The following WWC2 variants were observed in gnomAD, a reference collection of about 807,000 sequenced individuals.
The protein encoded by WWC2 is protein WWC2.
Under a neutral mutation model 138.5 loss-of-function variants are expected in WWC2, and 101 were observed. That is an observed-to-expected ratio of 0.73 (90% CI 0.62 to 0.86). The LOEUF is 0.86. Ranked by LOEUF, WWC2 falls within the 40% of genes least tolerant of loss-of-function variation. The pLI, the probability that WWC2 is intolerant of heterozygous loss-of-function variation, is 0.00. For synonymous variants in WWC2, 558 were observed against 538.4 expected (o/e 1.04, Z -0.50); for missense variants, 1,420 against 1,419.4 (o/e 1.00, Z -0.01).
chr4:183,304,682 A>G (rs1738966759), intron 21 of WWC2, among the ~76,000 whole-genome samples: 1 of 152,142 alleles, frequency 6.6e-6, no homozygotes, highest in South Asian at 2.1e-4. Flanking sequence ...AGGGGGAAAG[A>G]CTGAGAAGCA....
rs1355882651 is a variant in WWC2, at chr4:183,261,405, T to C, written c.1782T>C (p.Phe594=). The C allele has an allele frequency of 6.2e-7, 1 of 1,613,132 alleles. No homozygotes were observed. Among genetic ancestry groups the C allele is most frequent in the Admixed American group, 1.7e-5 (1 of 59,916 alleles). ...DFEDCELSSH[F]ADISLIENQI... Reference sequence around the variant, plus strand: ...AAGACTGTGAGTTGAGTAGCCATTTTGCAGATATCAGCCTCATCGAAAATC... The same window carrying C: ...AAGACTGTGAGTTGAGTAGCCATTTCGCAGATATCAGCCTCATCGAAAATC... The change falls in exon 11 of 23, where the codon TTT becomes TTC. Residue 594 remains phenylalanine, a synonymous_variant. Coordinates refer to ENST00000403733, the MANE Select transcript of WWC2 (RefSeq NM_024949.6).
rs375588417 is a variant in WWC2, at chr4:183,214,824, C to T, written c.522+5799C>T. Among the ~76,000 whole-genome samples the T allele has an allele frequency of 1.5e-3, 223 of 152,002 alleles. 1 individual carries two copies. The highest frequency in any genetic ancestry group is 4.9e-3 in the African/African-American group (204 of 41,498). On this transcript the variant is annotated intron_variant, in intron 4 of 22. Transcript: ENST00000403733. ...TATGCCTTTGGAGAATGTAAATTGC[C>T]GCAAATATTCTCTCTTGACTAGACA...
In WWC2 at chr4:183,188,747, C is replaced by T. The variant is rs181169343; in HGVS notation, c.132-4852C>T. On this transcript the variant is annotated intron_variant, in intron 1 of 22. Transcript: ENST00000403733. ...GCAACCTCCACCTCCCGGGTTCAAG[C>T]GATTCTCCTGCCTAAGCCTCCTGAG... 3.4e-3 allele frequency among the ~76,000 whole-genome samples: 511 copies of T among 150,998 alleles called. 2 individuals carry two copies. The highest frequency in any genetic ancestry group is 0.012 in the African/African-American group (483 of 41,118).
At chr4:183,192,453 C>T (rs537158540) in intron 1 of WWC2, among the ~76,000 whole-genome samples, 3 of 152,146 alleles carry the variant, frequency 2.0e-5, no homozygotes, top group Non-Finnish European at 4.4e-5. Flanking sequence ...GGAGAGATTT[C>T]GTGCTATAGG....
chr4:183,180,447 A>G (rs921648914), intron 1 of WWC2, among the ~76,000 whole-genome samples: 2 of 151,428 alleles, frequency 1.3e-5, no homozygotes, highest in Non-Finnish European at 2.9e-5. Context: ...CATGCCAACG[A>G]TGTTCTGAAA....
At chr4:183,166,812 G>C (rs989143931) in intron 1 of WWC2, among the ~76,000 whole-genome samples, 1 of 152,078 alleles carries the variant, frequency 6.6e-6, no homozygotes, top group African/African-American at 2.4e-5. Flanking sequence ...TGGGATCCAG[G>C]GTAGTCAAAA....
chr4:183,191,064 C>CA (rs1580038950), intron 1 of WWC2, among the ~76,000 whole-genome samples: 1 of 151,790 alleles, frequency 6.6e-6, no homozygotes, highest in East Asian at 1.9e-4. Flanking sequence ...AGAGAATCAT[C>CA]AAACAGTGAT....
At chr4:183,221,325 G>A (rs969423635) in intron 4 of WWC2, among the ~76,000 whole-genome samples, 5 of 152,172 alleles carry the variant, frequency 3.3e-5, no homozygotes, top group African/African-American at 1.2e-4. Context: ...CAAGGTGAAG[G>A]ACAAATCTCT....
At position 183,279,472 on chromosome 4, in the gene WWC2, A is replaced by G. The variant is rs370322757; in HGVS notation, c.2563-1304A>G. Among the ~76,000 whole-genome samples, 19 of 152,270 alleles carry G rather than the reference A, an allele frequency of 1.2e-4. No homozygotes were observed. In the East Asian group the frequency reaches 3.3e-3, roughly 26 times the overall value. The stretch of plus-strand genomic sequence containing the variant: ...TGTGTCTCTGCCTGGCTTTGGTATC[A>G]GAATGATGCTGGCCTCATCAAATGA... On this transcript the variant is annotated intron_variant, in intron 16 of 22. Transcript: ENST00000403733.
chr4:183,230,025 G>A (rs554452980), intron 4 of WWC2, among the ~76,000 whole-genome samples: 2 of 151,984 alleles, frequency 1.3e-5, no homozygotes, highest in South Asian at 2.1e-4. Context: ...GGGTTTTGCC[G>A]CATTGCCTAA....
intron 16 of WWC2, among the ~76,000 whole-genome samples, chr4:183,273,776 A>G (rs189856383): frequency 8.5e-4 from 130 of 152,298 alleles, no homozygotes; most frequent in Non-Finnish European, 4.4e-5. Flanking sequence ...AGTCCAGTTT[A>G]TCCATTTTTC....
At chr4:183,257,051 A>ATTTTTTCATT (rs1737174371) in intron 9 of WWC2, among the ~76,000 whole-genome samples, 1 of 152,094 alleles carries the variant, frequency 6.6e-6, no homozygotes, top group African/African-American at 2.4e-5. Flanking sequence ...GAAAAAAACC[A>ATTTTTTCATT]TGCAGGGAAG....
In WWC2 at chr4:183,099,471, TC is replaced by T; in HGVS notation, c.-20del. The T allele has an allele frequency of 7.8e-7, 1 of 1,282,762 alleles. No homozygotes were observed. Among genetic ancestry groups the T allele is most frequent in the African/African-American group, 1.6e-5 (1 of 63,822 alleles). The allele number at this position is 1,282,762 out of a possible 1,614,324, so 79.5% of individuals were successfully genotyped here. Reference sequence around the variant, plus strand: ...CGCCCGGTACCTATGGAGGCGCCGCTCGCCGGCGAGGCCGCCGACCATGCCT... The same window carrying T: ...CGCCCGGTACCTATGGAGGCGCCGCTGCCGGCGAGGCCGCCGACCATGCCT... On this transcript the variant is annotated 5_prime_UTR_variant, in exon 1 of 23. Coordinates refer to ENST00000403733, the MANE Select transcript of WWC2 (RefSeq NM_024949.6).
At chr4:183,207,818 G>A in intron 2 of WWC2, 135 bp from the exon 3 acceptor site, 1 of 739,082 alleles carries the variant, frequency 1.4e-6, no homozygotes. Context: ...TAAAATTTCT[G>A]GAGAAGTCAC....
chr4:183,307,637 T>C (rs2111113181), intron 21 of WWC2, among the ~76,000 whole-genome samples: 1 of 152,312 alleles, frequency 6.6e-6, no homozygotes, highest in South Asian at 2.1e-4. Context: ...GATTTAACAT[T>C]CAAAATCAAT....
chr4:183,311,985 G>A (rs529696778), intron 21 of WWC2, among the ~76,000 whole-genome samples: 50 of 152,270 alleles, frequency 3.3e-4, no homozygotes, highest in Non-Finnish European at 3.4e-4. Flanking sequence ...AAGTGTATTT[G>A]CCCAAAACAT....
Position 183,208,155 on chromosome 4 carries a change from C to T in WWC2, c.444C>T (p.Ser148=), listed in dbSNP as rs373711409. The T allele has an allele frequency of 1.2e-6, 2 of 1,613,304 alleles. No individual in the cohort carries two copies. Among genetic ancestry groups the T allele is most frequent in the Non-Finnish European group, 1.7e-6 (2 of 1,179,590 alleles). ...AGGAAAAGTCAAGTTCTCACACAAG[C>T]TGTAAGTACAGTGTGGCTATTCAGA... ...AYKEKSSSHT[S]LFSGSSSSTK... Residue 148 remains serine, a splice_region_variant and synonymous_variant, in exon 3 of 23, where the codon AGC becomes AGT. Transcript: ENST00000403733.
intron 1 of WWC2, among the ~76,000 whole-genome samples, chr4:183,138,790 T>G (rs796465328): frequency 3.3e-4 from 50 of 152,312 alleles, no homozygotes; most frequent in African/African-American, 1.1e-3. Context: ...TTTTTTGTTT[T>G]TTTGTTTTTT....
chr4:183,112,454 G>A (rs1304656926), intron 1 of WWC2, among the ~76,000 whole-genome samples: 6 of 152,200 alleles, frequency 3.9e-5, no homozygotes, highest in African/African-American at 1.4e-4. Context: ...GTATGCATTT[G>A]AAGGACCTTT....
Sources: gnomAD v4.1 joint callset for allele counts (sites outside exome capture counted in the v4.1 genomes callset) on GRCh38, gnomAD v4.1.1 for gene constraint, MANE v1.5 for transcripts, NCBI Gene and HGNC (gene_info 2026-07-23, HGNC 2026-07-21) for gene names.